Variants in CSNK1G3 observed in about 807,000 individuals in gnomAD.
The protein encoded by CSNK1G3 is casein kinase I isoform gamma-3.
In CSNK1G3, 23 loss-of-function variants were observed where a neutral mutation model predicts 64.3. The ratio of observed to expected loss-of-function variants is 0.36; its 90% CI spans 0.26 to 0.51. The LOEUF (loss-of-function observed/expected upper bound fraction) is 0.51, where lower values mean the gene tolerates loss of function less well. CSNK1G3 is among the 20% of genes least tolerant of loss of function. The probability of loss-of-function intolerance (pLI) is 0.96; values close to 1 mark genes in which losing one functional copy is unlikely to be tolerated. For synonymous variants in CSNK1G3, 158 were observed against 162.2 expected (o/e 0.97, Z 0.20); for missense variants, 357 against 510.5 (o/e 0.70, Z 2.90).
intron 1 of CSNK1G3, among the ~76,000 whole-genome samples, chr5:123,542,052 A>G (rs1324034551): frequency 6.6e-6 from 1 of 151,850 alleles, no homozygotes; most frequent in Middle Eastern, 3.4e-3. Context: ...TGAATGTGGA[A>G]CCACATAATT....
At chr5:123,513,908 T>G (rs1047166109) in intron 1 of CSNK1G3, among the ~76,000 whole-genome samples, 1 of 152,228 alleles carries the variant, frequency 6.6e-6, no homozygotes, top group Non-Finnish European at 1.5e-5. Context: ...TGAGCTGTAC[T>G]TAGTGTATTT....
intron 1 of CSNK1G3, among the ~76,000 whole-genome samples, chr5:123,513,340 G>A (rs911449360): frequency 6.6e-6 from 1 of 152,050 alleles, no homozygotes; most frequent in Non-Finnish European, 1.5e-5. Flanking sequence ...TCGTGGGGTG[G>A]GGGTAGTGAG....
intron 1 of CSNK1G3, among the ~76,000 whole-genome samples, chr5:123,531,094 A>T (rs755823261): frequency 6.6e-6 from 1 of 152,150 alleles, no homozygotes; most frequent in Non-Finnish European, 1.5e-5. Flanking sequence ...TTCATATACT[A>T]AATTTGGAGG....
intron 4 of CSNK1G3, among the ~76,000 whole-genome samples, chr5:123,566,952 G>T (rs578014364): frequency 6.6e-6 from 1 of 151,912 alleles, no homozygotes; most frequent in East Asian, 1.9e-4. Flanking sequence ...GATTGTATTC[G>T]TCCGTTTTCT....
At chr5:123,522,250 C>T (rs1337381671) in intron 1 of CSNK1G3, among the ~76,000 whole-genome samples, 4 of 152,004 alleles carry the variant, frequency 2.6e-5, no homozygotes, top group Non-Finnish European at 5.9e-5. Flanking sequence ...CTGTGGCTCA[C>T]CCCAGCACTT....
exon 13 of CSNK1G3, chr5:123,614,447 C>T (rs905960949): frequency 1.3e-6 from 2 of 1,539,954 alleles, no homozygotes; most frequent in African/African-American, 2.8e-5. Flanking sequence ...CATCTGCTGT[C>T]TTGTGATTAA....
chr5:123,545,966 T>G (rs1782450493), intron 2 of CSNK1G3, 125 bp downstream of exon 2: 1 of 861,582 alleles, frequency 1.2e-6, no homozygotes, highest in Non-Finnish European at 1.8e-6. Context: ...TTTTAAAGAA[T>G]AAAGATGTTG....
chr5:123,564,172 AGTT>A (rs1420192306), intron 4 of CSNK1G3, among the ~76,000 whole-genome samples: 1 of 152,018 alleles, frequency 6.6e-6, no homozygotes, highest in African/African-American at 2.4e-5. Context: ...TTTCTGTTAA[AGTT>A]GTAGTTTATG....
chr5:123,573,251 G>A (rs1788474553), intron 4 of CSNK1G3, 142 bp from the exon 5 acceptor site: 1 of 819,972 alleles, frequency 1.2e-6, no homozygotes, highest in Non-Finnish European at 1.9e-6. Flanking sequence ...GGGAGGTTTG[G>A]TCAGGAAAAG....
chr5:123,544,825 G>A (rs536840911), intron 1 of CSNK1G3, among the ~76,000 whole-genome samples: 8 of 152,138 alleles, frequency 5.3e-5, no homozygotes, highest in Non-Finnish European at 1.0e-4. Context: ...TAAGGCCCAC[G>A]TTAAATGTTA....
chr5:123,589,363 G>A (rs1255870259), intron 8 of CSNK1G3, among the ~76,000 whole-genome samples: 2 of 151,874 alleles, frequency 1.3e-5, no homozygotes, highest in East Asian at 1.9e-4. Context: ...TTAAAATGTC[G>A]GTTAATAGTA....
chr5:123,516,733 T>G (rs887140655), intron 1 of CSNK1G3, among the ~76,000 whole-genome samples: 1 of 152,214 alleles, frequency 6.6e-6, no homozygotes, highest in Non-Finnish European at 1.5e-5. Context: ...TATGTCCACA[T>G]GGCTAAATCA....
intron 1 of CSNK1G3, among the ~76,000 whole-genome samples, chr5:123,542,302 C>T (rs1781801908): frequency 6.6e-6 from 1 of 152,140 alleles, no homozygotes; most frequent in Non-Finnish European, 1.5e-5. Context: ...CCATTTACAA[C>T]TCCCCCTCCT....
intron 4 of CSNK1G3, among the ~76,000 whole-genome samples, chr5:123,557,854 G>A (rs1355254318): frequency 6.6e-6 from 1 of 152,128 alleles, no homozygotes; most frequent in Non-Finnish European, 1.5e-5. Flanking sequence ...TATTATAGCT[G>A]TTGAAGTGAC....
intron 3 of CSNK1G3, among the ~76,000 whole-genome samples, chr5:123,556,767 TG>T (rs1357167004): frequency 1.1e-4 from 3 of 26,784 alleles, no homozygotes; most frequent in African/African-American, 1.0e-3. Context: ...TACATGTTTG[TG>T]TGTGTGTGTG....
intron 6 of CSNK1G3, among the ~76,000 whole-genome samples, chr5:123,582,070 G>T (rs1360407604): frequency 6.6e-6 from 1 of 151,950 alleles, no homozygotes; most frequent in Non-Finnish European, 1.5e-5. Flanking sequence ...AAAACTTCCT[G>T]CTTCTGTGTG....
intron 12 of CSNK1G3, among the ~76,000 whole-genome samples, chr5:123,614,086 GT>G (rs1353533652): frequency 2.0e-5 from 3 of 152,152 alleles, no homozygotes; most frequent in Admixed American, 6.5e-5. Flanking sequence ...ATTACTCTTA[GT>G]GAAAAACCTT....
chr5:123,603,617 A>T lies in CSNK1G3; in HGVS notation c.1087-1107A>T, dbSNP rs1201138166. On this transcript the variant is annotated intron_variant, in intron 10 of 12. Transcript: ENST00000345990. ...AATAATTTAAAATAGGGTGTAACAT[A>T]ATTTCTGTGCTGTGTCAGCATAGAA... is the stretch of plus-strand genomic sequence containing the variant. 3.7e-4 allele frequency among the ~76,000 whole-genome samples: 57 copies of T among 152,150 alleles called. 1 individual carries two copies. The highest frequency in any genetic ancestry group is 3.7e-3 in the Admixed American group (57 of 15,270).
intron 2 of CSNK1G3, 150 bp from the exon 3 acceptor site, chr5:123,552,957 A>C (rs997027188): frequency 2.2e-6 from 1 of 451,532 alleles, no homozygotes; most frequent in Admixed American, 4.4e-5. Context: ...ATAAGTTTGA[A>C]TATTTCCTTG....
Sources: allele counts gnomAD v4.1 joint callset (sites outside exome capture counted in the v4.1 genomes callset), GRCh38; gene constraint gnomAD v4.1.1; transcripts MANE v1.5; gene names NCBI Gene and HGNC (gene_info 2026-07-23, HGNC 2026-07-21).